The following STT3A variants were observed in gnomAD, a reference collection of about 807,000 sequenced individuals.
STT3A encodes STT3 oligosaccharyltransferase complex catalytic subunit A.
STT3A carries 34 observed loss-of-function variants against 89.2 expected under a neutral mutation model. That is an observed-to-expected ratio of 0.38 (90% confidence interval 0.29 to 0.51). STT3A has a LOEUF of 0.51. Ranked by LOEUF, STT3A falls within the 20% of genes least tolerant of loss-of-function variation. STT3A has a pLI of 0.89. For missense variants in STT3A, 555 were observed against 889.5 expected (o/e 0.62, Z 4.78); for synonymous variants, 282 against 310.3 (o/e 0.91, Z 0.96).
intron 16 of STT3A, 83 bp from the exon 17 acceptor site, chr11:125,619,928 A>T (rs1421199828): frequency 3.5e-6 from 4 of 1,146,800 alleles, no homozygotes; most frequent in Non-Finnish European, 5.1e-6. Flanking sequence ...ATCAATTAGT[A>T]GATGGTTTCC....
At chr11:125,604,378 G>C in intron 6 of STT3A, 131 bp downstream of exon 6, 5 of 829,920 alleles carry the variant, frequency 6.0e-6, no homozygotes, top group Non-Finnish European at 9.3e-6. Flanking sequence ...GGCAGGAACG[G>C]ATCTTGGACA....
chr11:125,599,322 G>T (rs1360826021), intron 3 of STT3A, among the ~76,000 whole-genome samples: 1 of 152,190 alleles, frequency 6.6e-6, no homozygotes, highest in Non-Finnish European at 1.5e-5. Flanking sequence ...GAGGAAATAG[G>T]GTTAGAGAGG....
At chr11:125,609,733 A>T (rs1939947099) in intron 10 of STT3A, 144 bp downstream of exon 10, 1 of 942,382 alleles carries the variant, frequency 1.1e-6, no homozygotes, top group East Asian at 2.7e-5. Context: ...AAATTTTCTC[A>T]TGTATGAAGC....
chr11:125,606,161 C>T (rs1451744249), intron 7 of STT3A, 140 bp from the exon 8 acceptor site: 5 of 760,474 alleles, frequency 6.6e-6, no homozygotes, highest in African/African-American at 1.8e-5. Flanking sequence ...GTTATTTGAA[C>T]TCTTTAAGCC....
At chr11:125,607,553 A>G (rs1477035707) in intron 8 of STT3A, among the ~76,000 whole-genome samples, 1 of 152,240 alleles carries the variant, frequency 6.6e-6, no homozygotes, top group Non-Finnish European at 1.5e-5. Context: ...GAAACTTGTT[A>G]GAAATAAATG....
intron 17 of STT3A, 109 bp from the exon 18 acceptor site, chr11:125,620,662 GC>G (rs1940321000): frequency 1.0e-6 from 1 of 971,338 alleles, no homozygotes; most frequent in East Asian, 2.5e-5. Flanking sequence ...CCTAAACCAG[GC>G]TGCAGAACCC....
In STT3A at chr11:125,605,689, G is replaced by A; in HGVS notation, c.569G>A (p.Gly190Asp). The change falls in exon 7 of 18, where the codon GGT becomes GAT. Residue 190 changes from glycine (G) to aspartate (D), a missense_variant. Coordinates refer to ENST00000392708, the MANE Select transcript of STT3A (RefSeq NM_152713.5). The part of the protein sequence containing the change: ...YYMWIKAVKT[G>D]SICWAAKCAL... The stretch of plus-strand genomic sequence containing the variant: ...ATGTGGATCAAGGCAGTAAAGACTG[G>A]TTCCATCTGTTGGGCAGCTAAGTGT... 6.2e-7 allele frequency: 1 copy of A among 1,614,016 alleles called. No individual in the cohort carries two copies. Among genetic ancestry groups the A allele is most frequent in the Non-Finnish European group, 8.5e-7 (1 of 1,179,950 alleles).
chr11:125,612,949 G>T, intron 12 of STT3A, 40 bp from the exon 13 acceptor site: 1 of 1,605,812 alleles, frequency 6.2e-7, no homozygotes, highest in Non-Finnish European at 8.5e-7. Flanking sequence ...TGTGAATTTA[G>T]TTTGGTTAAC....
chr11:125,606,371 C>G lies in STT3A; in HGVS notation c.686C>G (p.Thr229Arg). 1 of 1,614,174 alleles carries G rather than the reference C, an allele frequency of 6.2e-7. No individual in the cohort carries two copies. Among genetic ancestry groups the G allele is most frequent in the Non-Finnish European group, 8.5e-7 (1 of 1,180,046 alleles). ...IPLHVLVLMLTGRFSHRIYVA... is the reference protein window; with the variant it reads ...IPLHVLVLMLRGRFSHRIYVA... ...CTCCACGTCCTCGTGCTGATGCTCA[C>G]AGGCCGTTTCTCTCACCGGATCTAT... The change falls in exon 8 of 18, where the codon ACA becomes AGA. Residue 229 changes from threonine to arginine, a missense_variant. Thr to Arg is a moderately conservative substitution (Grantham distance 71). This residue lies in a region of STT3A where 149 missense variants were observed against 206.2 expected (regional missense o/e 0.72). Coordinates refer to ENST00000392708, the MANE Select transcript of STT3A (RefSeq NM_152713.5).
At position 125,597,070 on chromosome 11, in the gene STT3A, C is replaced by T. The variant is rs747652562; in HGVS notation, c.100C>T (p.Arg34Cys). 3 of 1,614,050 alleles carry T rather than the reference C, an allele frequency of 1.9e-6. No homozygotes were observed. Among genetic ancestry groups the T allele is most frequent in the East Asian group, 2.2e-5 (1 of 44,874 alleles). ...SMAAVLSFST[R>C]LFAVLRFESV... is the part of the protein sequence containing the mutation. ...TCTGGTTTTTGCAGCCTTCTCCACT[C>T]GTCTGTTTGCTGTCCTGAGATTTGA... The change falls in exon 3 of 18, where the codon CGT becomes TGT. Residue 34 changes from arginine to cysteine, a missense_variant. Coordinates refer to ENST00000392708, the MANE Select transcript of STT3A (RefSeq NM_152713.5).
intron 4 of STT3A, 43 bp from the exon 5 acceptor site, chr11:125,602,760 T>G: frequency 6.2e-7 from 1 of 1,611,870 alleles, no homozygotes; most frequent in Non-Finnish European, 8.5e-7. Context: ...TTCCCTTAAG[T>G]TCTGGTAAGA....
chr11:125,606,204 G>A, intron 7 of STT3A, 97 bp from the exon 8 acceptor site: 1 of 1,123,372 alleles, frequency 8.9e-7, no homozygotes, highest in Middle Eastern at 3.1e-4. Flanking sequence ...GTTACTATAA[G>A]TGTTCTTTAA....
chr11:125,614,278 T>C lies in STT3A; in HGVS notation c.1672-46T>C. ...GAAATGTGTCTGCATGAGGGGATCA[T>C]ATGACTTGGGATTTTGCTCTGAGAA... On this transcript the variant is annotated intron_variant, in intron 14 of 17. Coordinates refer to ENST00000392708, the MANE Select transcript of STT3A (RefSeq NM_152713.5). The surrounding 1 kb of genome is among the most constrained non-coding windows in gnomAD (Gnocchi z 4.9). 1 of 1,613,502 alleles carries C rather than the reference T, an allele frequency of 6.2e-7. No individual in the cohort carries two copies. The highest frequency in any genetic ancestry group is 8.5e-7 in the Non-Finnish European group (1 of 1,179,444).
At chr11:125,600,352 A>G (rs973425413) in intron 3 of STT3A, among the ~76,000 whole-genome samples, 1 of 151,314 alleles carries the variant, frequency 6.6e-6, no homozygotes, top group Admixed American at 6.6e-5. Context: ...GCCTGGCCTT[A>G]TTATTATTAT....
intron 16 of STT3A, among the ~76,000 whole-genome samples, chr11:125,618,952 T>C (rs1202587284): frequency 6.6e-6 from 1 of 152,168 alleles, no homozygotes; most frequent in African/African-American, 2.4e-5. Context: ...TGGGCTGGTC[T>C]GGAACTCCTG....
At chr11:125,596,605 T>C (rs11220145) in intron 2 of STT3A, among the ~76,000 whole-genome samples, 16,225 of 152,220 alleles carry the variant, frequency 0.11, 1,242 homozygotes, top group African/African-American at 0.22. Flanking sequence ...AATTTAGATG[T>C]CTCCTATAGT....
intron 15 of STT3A, among the ~76,000 whole-genome samples, chr11:125,617,737 C>T (rs1940219182): frequency 6.6e-6 from 1 of 152,196 alleles, no homozygotes; most frequent in Non-Finnish European, 1.5e-5. Context: ...GTCTTGTCTA[C>T]CTTTTTGGTA....
chr11:125,609,829 G>T (rs1939949230), intron 10 of STT3A: 1 of 445,536 alleles, frequency 2.2e-6, no homozygotes, highest in Non-Finnish European at 3.9e-6. Context: ...TGTGTTATAA[G>T]TTAAAATTTA....
chr11:125,606,885 A>G (rs1010116678), intron 8 of STT3A, among the ~76,000 whole-genome samples: 2 of 152,338 alleles, frequency 1.3e-5, no homozygotes, highest in Middle Eastern at 3.4e-3. Flanking sequence ...CACAGGGTTA[A>G]CAGACAACTG....
Sources: allele counts gnomAD v4.1 joint callset (sites outside exome capture counted in the v4.1 genomes callset), GRCh38; gene constraint gnomAD v4.1.1; regional missense constraint gnomAD v4.1.1; non-coding constraint Gnocchi (gnomAD v3.1); transcripts MANE v1.5; gene names NCBI Gene and HGNC (gene_info 2026-07-23, HGNC 2026-07-21).